The following COL4A6 variants were observed in gnomAD, a reference collection of about 807,000 sequenced individuals.
COL4A6 encodes collagen type IV alpha 6 chain.
Under a neutral mutation model 126.7 loss-of-function variants are expected in COL4A6, and 59 were observed. The observed-to-expected ratio is 0.47, with a 90% CI of 0.38 to 0.58. The LOEUF (loss-of-function observed/expected upper bound fraction) is 0.58, where lower values mean the gene tolerates loss of function less well. COL4A6 is among the 20% of genes least tolerant of loss of function. The pLI is 0.00. For synonymous variants in COL4A6, 547 were observed against 496.6 expected, an observed-to-expected ratio of 1.10 and a Z score of -1.35; for missense variants, 1,285 against 1,337.3, an observed-to-expected ratio of 0.96 and a Z score of 0.61.
At chrX:108,283,016 A>C (rs1302004679) in intron 3 of COL4A6, among the ~76,000 whole-genome samples, 1 of 55,846 alleles carries the variant, frequency 1.8e-5, no homozygotes, top group African/African-American at 7.3e-5. Context: ...GGGAGGGGGG[A>C]GGGATAGCTT....
In COL4A6 at chrX:108,188,625, G is replaced by T. The variant is rs202006605; in HGVS notation, c.1479C>A (p.Pro493=). 9 of 1,193,737 alleles carry T rather than the reference G, an allele frequency of 7.5e-6. No homozygotes were observed. Among genetic ancestry groups the T allele is most frequent in the Non-Finnish European group, 1.0e-5 (9 of 887,025 alleles). ...CDGGVPNTGP[P]GEPGPPGPWG... ...ATGGACCAGGTGGGCCTGGTTCCCC[G>T]GGTGGTCCAGTGTTGGGAACACCAC... The change falls in exon 21 of 45, where the codon CCC becomes CCA. Residue 493 remains proline, a synonymous_variant. Transcript: ENST00000334504.
chrX:108,203,190 G>T (rs2035438805), intron 12 of COL4A6, among the ~76,000 whole-genome samples: 1 of 111,613 alleles, frequency 9.0e-6, no homozygotes, highest in African/African-American at 3.3e-5. Context: ...TGTGGGAGAA[G>T]GATTATGGAC....
chrX:108,426,940 C>T (rs1034183133), intron 2 of COL4A6, among the ~76,000 whole-genome samples: 13 of 111,755 alleles, frequency 1.2e-4, no homozygotes, highest in African/African-American at 3.9e-4. Context: ...GAATTAAATA[C>T]GGAACCCCCA....
chrX:108,225,715 G>A (rs899512035), intron 3 of COL4A6, among the ~76,000 whole-genome samples: 7 of 112,955 alleles, frequency 6.2e-5, no homozygotes, highest in African/African-American at 1.9e-4. Flanking sequence ...ATATATCATC[G>A]AAGAATCTTA....
intron 3 of COL4A6, among the ~76,000 whole-genome samples, chrX:108,288,751 AC>A (rs1318190744): frequency 9.0e-6 from 1 of 111,274 alleles, no homozygotes; most frequent in Non-Finnish European, 1.9e-5. Context: ...TTCTCCTGGA[AC>A]TGAATATTCA....
intron 3 of COL4A6, among the ~76,000 whole-genome samples, chrX:108,258,252 TA>T (rs2037059205): frequency 8.9e-6 from 1 of 112,161 alleles, no homozygotes; most frequent in African/African-American, 3.2e-5. Flanking sequence ...CTTTACCTTT[TA>T]CACTTTGGCT....
chrX:108,184,726 A>C (rs2034800503), intron 23 of COL4A6, among the ~76,000 whole-genome samples: 1 of 112,150 alleles, frequency 8.9e-6, no homozygotes, highest in Non-Finnish European at 1.9e-5. Flanking sequence ...AATAAGACAA[A>C]CATTTTCTGC....
chrX:108,189,456 T>A (rs1218401664), intron 20 of COL4A6, among the ~76,000 whole-genome samples: 1 of 112,030 alleles, frequency 8.9e-6, no homozygotes, highest in African/African-American at 3.3e-5. Context: ...AGCTTGATAA[T>A]CCCTATCACT....
chrX:108,264,504 G>A (rs749420361), intron 3 of COL4A6, among the ~76,000 whole-genome samples: 1 of 111,722 alleles, frequency 9.0e-6, no homozygotes, highest in Non-Finnish European at 1.9e-5. Context: ...TGGTATGCAG[G>A]AGAGCGCTTG....
intron 25 of COL4A6, 116 bp from the exon 26 acceptor site, chrX:108,179,554 T>C (rs1233705248): frequency 5.2e-6 from 3 of 578,565 alleles, no homozygotes; most frequent in Non-Finnish European, 5.3e-6. Flanking sequence ...ATAATATATG[T>C]CACTTCTCTT....
intron 3 of COL4A6, among the ~76,000 whole-genome samples, chrX:108,255,888 C>A (rs1274654832): frequency 9.0e-6 from 1 of 111,130 alleles, no homozygotes; most frequent in Non-Finnish European, 1.9e-5. Context: ...GATACAGCTG[C>A]CATGGAGTCA....
At chrX:108,438,154 G>A in intron 1 of COL4A6, 32 bp downstream of exon 1, 1 of 1,209,945 alleles carries the variant, frequency 8.3e-7, no homozygotes, top group Non-Finnish European at 1.1e-6. Context: ...AAGTAAGAAA[G>A]AGGAGGGGAG....
intron 32 of COL4A6, among the ~76,000 whole-genome samples, chrX:108,172,179 G>A (rs754755291): frequency 1.8e-5 from 2 of 108,847 alleles, no homozygotes; most frequent in Admixed American, 9.8e-5. Context: ...GGTGAAATCC[G>A]TCTCTACCAA....
chrX:108,187,017 C>G, intron 23 of COL4A6, 79 bp downstream of exon 23: 6 of 828,499 alleles, frequency 7.2e-6, no homozygotes, highest in Non-Finnish European at 9.8e-6. Context: ...TCTTATGATA[C>G]ATTTCATGCA....
At chrX:108,164,272 C>T (rs1035988412) in intron 40 of COL4A6, among the ~76,000 whole-genome samples, 2 of 111,104 alleles carry the variant, frequency 1.8e-5, no homozygotes, top group Admixed American at 1.9e-4. Flanking sequence ...GGAAAGGATG[C>T]AAAAGACGGT....
chrX:108,434,209 A>G (rs1271971976), intron 2 of COL4A6, among the ~76,000 whole-genome samples: 2 of 112,013 alleles, frequency 1.8e-5, no homozygotes, highest in Non-Finnish European at 1.9e-5. Flanking sequence ...TTTTTGTAAA[A>G]CCAATTTTCT....
upstream of COL4A6, among the ~76,000 whole-genome samples, chrX:108,438,756 A>C (rs916231469): frequency 8.9e-6 from 1 of 112,966 alleles, no homozygotes; most frequent in Non-Finnish European, 1.9e-5. Flanking sequence ...TTGATAGTAC[A>C]CTAGGCTATT....
At chrX:108,315,468 G>C (rs955051728) in intron 2 of COL4A6, among the ~76,000 whole-genome samples, 5 of 111,594 alleles carry the variant, frequency 4.5e-5, no homozygotes, top group African/African-American at 1.6e-4. Flanking sequence ...TCGAACTCCT[G>C]GCCTGAAGTG....
At position 108,161,718 on chromosome X, in the gene COL4A6, C is replaced by T. The variant is rs1369291979; in HGVS notation, c.4234G>A (p.Gly1412Ser). 1 of 1,203,025 alleles carries T rather than the reference C, an allele frequency of 8.3e-7. No homozygotes were observed. Among genetic ancestry groups the T allele is most frequent in the Non-Finnish European group, 1.1e-6 (1 of 888,544 alleles). The change falls in exon 42 of 45, where the codon GGC becomes AGC. Residue 1412 changes from glycine (G) to serine (S), a missense_variant. Physicochemically the swap from Gly to Ser is moderately conservative, Grantham distance 56 (BLOSUM62 0). Transcript: ENST00000334504. ...CTGGGGCCATCTTTACCGGGGATGC[C>T]AGGTAAACCTTTGGAGCCTGCAGGA... is the stretch of plus-strand genomic sequence containing the variant. ...VGLQGSKGLP[G>S]IPGKDGPSGL... is the part of the protein sequence containing the mutation.
Sources: gnomAD v4.1 joint callset for allele counts (sites outside exome capture counted in the v4.1 genomes callset) on GRCh38, gnomAD v4.1.1 for gene constraint, MANE v1.5 for transcripts, NCBI Gene and HGNC (gene_info 2026-07-23, HGNC 2026-07-21) for gene names.